Variants in AGBL1 observed in about 807,000 individuals in gnomAD.
The protein encoded by AGBL1 is cytosolic carboxypeptidase 4.
Under a neutral mutation model 118.9 loss-of-function variants are expected in AGBL1, and 130 were observed. That is an observed-to-expected ratio of 1.09 (90% CI 0.95 to 1.26). The LOEUF (loss-of-function observed/expected upper bound fraction) is 1.26. Among genes scored for constraint, AGBL1 ranks in the 50% most tolerant of loss-of-function variants. The probability of loss-of-function intolerance (pLI) is 0.00; values close to 1 mark genes in which losing one functional copy is unlikely to be tolerated. For missense variants in AGBL1, 1,584 were observed against 1,298.1 expected (o/e 1.22, Z -3.38); for synonymous variants, 555 against 478.9 (o/e 1.16, Z -2.08).
chr15:87,006,894 A>G (rs558111387), intron 24 of AGBL1, among the ~76,000 whole-genome samples: 3 of 152,160 alleles, frequency 2.0e-5, no homozygotes, highest in African/African-American at 7.2e-5. Flanking sequence ...AGGATCTGAC[A>G]TGGGTCCTGT....
rs555253919 is a variant in AGBL1 at position 86,734,419 on chromosome 15, TG to T, written c.3158+59985del. On this transcript the variant is annotated intron_variant, in intron 22 of 22. Coordinates refer to ENST00000614907, the MANE Select transcript of AGBL1 (RefSeq NM_001386094.1). ...AGGGAGTGACAAGGAGATCTTCACT[TG>T]GAAAAGATGTAGAGACTAAGAACTG... 2.2e-3 allele frequency among the ~76,000 whole-genome samples: 341 copies of T among 152,226 alleles called. 1 individual carries two copies. Among genetic ancestry groups the T allele is most frequent in the Non-Finnish European group, 3.5e-3 (237 of 68,004 alleles).
At chr15:86,276,403 A>G (rs1454762163) in intron 15 of AGBL1, among the ~76,000 whole-genome samples, 1 of 152,206 alleles carries the variant, frequency 6.6e-6, no homozygotes, top group Non-Finnish European at 1.5e-5. Flanking sequence ...GTGAGCCTTA[A>G]TTCCCATGTG....
At chr15:86,771,950 A>T (rs80136061) in intron 22 of AGBL1, among the ~76,000 whole-genome samples, 1 of 151,978 alleles carries the variant, frequency 6.6e-6, no homozygotes, top group South Asian at 2.1e-4. Flanking sequence ...GAGATACGGA[A>T]GTTCTTGTGT....
At chr15:86,968,185 G>T (rs538714093) in intron 23 of AGBL1, among the ~76,000 whole-genome samples, 1 of 151,860 alleles carries the variant, frequency 6.6e-6, no homozygotes, top group Non-Finnish European at 1.5e-5. Context: ...TAGTGACAAT[G>T]ACATTGGATT....
At chr15:86,675,940 T>A (rs2085838493) in intron 22 of AGBL1, among the ~76,000 whole-genome samples, 1 of 152,218 alleles carries the variant, frequency 6.6e-6, no homozygotes, top group Non-Finnish European at 1.5e-5. Context: ...AAGAAATGCC[T>A]TTTCTAATTC....
chr15:86,392,615 C>A (rs2081304943), intron 17 of AGBL1, among the ~76,000 whole-genome samples: 1 of 152,154 alleles, frequency 6.6e-6, no homozygotes, highest in Non-Finnish European at 1.5e-5. Context: ...GTTGGGTACA[C>A]ATGTTTATCA....
intron 17 of AGBL1, among the ~76,000 whole-genome samples, chr15:86,355,623 C>G (rs1387597568): frequency 6.6e-6 from 1 of 152,114 alleles, no homozygotes; most frequent in Non-Finnish European, 1.5e-5. Flanking sequence ...TTATGTGTCT[C>G]TAGTATATAT....
chr15:86,362,080 T>C (rs1371667131), intron 17 of AGBL1, among the ~76,000 whole-genome samples: 1 of 152,174 alleles, frequency 6.6e-6, no homozygotes, highest in Non-Finnish European at 1.5e-5. Context: ...AGTCCTTTCT[T>C]TTTCTCTTTT....
intron 22 of AGBL1, among the ~76,000 whole-genome samples, chr15:86,900,603 A>G (rs2141579597): frequency 6.6e-6 from 1 of 152,032 alleles, no homozygotes; most frequent in Admixed American, 6.5e-5. Context: ...ATTTTTTGAG[A>G]GTTCAGAAAA....
intron 17 of AGBL1, among the ~76,000 whole-genome samples, chr15:86,367,210 G>C (rs982681372): frequency 6.6e-6 from 1 of 152,084 alleles, no homozygotes; most frequent in African/African-American, 2.4e-5. Context: ...CTTTAAGCAT[G>C]GTTTTATCCA....
At chr15:86,336,773 T>G (rs574463932) in intron 17 of AGBL1, among the ~76,000 whole-genome samples, 17 of 152,330 alleles carry the variant, frequency 1.1e-4, no homozygotes, top group Middle Eastern at 3.4e-3. Flanking sequence ...TAATGGGGGC[T>G]TTTCATAGCT....
At chr15:86,705,969 GAA>G (rs5814259) in intron 22 of AGBL1, among the ~76,000 whole-genome samples, 1 of 149,630 alleles carries the variant, frequency 6.7e-6, no homozygotes, top group African/African-American at 2.4e-5. Flanking sequence ...TCATCTTTTG[GAA>G]AAAAAAAACT....
At chr15:87,026,255 T>A (rs2081725577) in intron 24 of AGBL1, among the ~76,000 whole-genome samples, 1 of 151,780 alleles carries the variant, frequency 6.6e-6, no homozygotes, top group South Asian at 2.1e-4. Flanking sequence ...AATCTATACA[T>A]CTAACAAAGG....
chr15:87,003,048 C>G (rs970250711), intron 24 of AGBL1, among the ~76,000 whole-genome samples: 9 of 152,160 alleles, frequency 5.9e-5, no homozygotes, highest in African/African-American at 2.2e-4. Flanking sequence ...GCATCCCTGT[C>G]TTGTGCCAGT....
At position 86,674,421 on chromosome 15, in the gene AGBL1, A is replaced by G; in HGVS notation, c.3143A>G (p.Asp1048Gly). 1 of 1,607,376 alleles carries G rather than the reference A, an allele frequency of 6.2e-7. No individual in the cohort carries two copies. The highest frequency in any genetic ancestry group is 8.5e-7 in the Non-Finnish European group (1 of 1,174,922). The change falls in exon 22 of 23, where the codon GAC becomes GGC. Residue 1048 changes from aspartate to glycine, a missense_variant. By Grantham distance (94) the Asp-to-Gly change is moderately conservative. Transcript: ENST00000614907. ...CTGAGTGCTGAGGAGGACGCTCTGG[A>G]CCAGCACCTCCAACGGTAAGATGCT... ...TLLSAEEDAL[D>G]QHLQRCSSSS...
intron 18 of AGBL1, among the ~76,000 whole-genome samples, chr15:86,398,883 A>AAAAAT (rs1450961711): frequency 6.6e-6 from 1 of 152,198 alleles, no homozygotes; most frequent in South Asian, 2.1e-4. Flanking sequence ...TACAGACCAT[A>AAAAAT]AAAATAAAAT....
At chr15:86,682,908 T>A (rs17685163) in intron 22 of AGBL1, among the ~76,000 whole-genome samples, 2 of 151,948 alleles carry the variant, frequency 1.3e-5, no homozygotes, top group Non-Finnish European at 1.5e-5. Flanking sequence ...TAACATTCCC[T>A]TTTTACCAAC....
At position 86,970,504 on chromosome 15, in the gene AGBL1, C is replaced by T. The variant is rs148710913; in HGVS notation, c.3222-17483C>T. Among the ~76,000 whole-genome samples, 7 of 152,036 alleles carry T rather than the reference C, an allele frequency of 4.6e-5. No homozygotes were observed. In the East Asian group the frequency reaches 1.2e-3, roughly 25 times the overall value. ...TAAGGCAGAAACTCAGGCTCAACGA[C>T]GTTGAGCTATGTGCTCAAAGTCATA... On this transcript the variant is annotated intron_variant, in intron 23 of 24. Coordinates refer to the AGBL1 transcript ENST00000441037.
intron 18 of AGBL1, among the ~76,000 whole-genome samples, chr15:86,473,071 A>G (rs980860375): frequency 6.6e-6 from 1 of 152,234 alleles, no homozygotes; most frequent in Non-Finnish European, 1.5e-5. Context: ...ATTAAATGAA[A>G]TGTTACTTTA....
Sources: allele counts gnomAD v4.1 joint callset (sites outside exome capture counted in the v4.1 genomes callset), GRCh38; gene constraint gnomAD v4.1.1; transcripts MANE v1.5; gene names NCBI Gene and HGNC (gene_info 2026-07-23, HGNC 2026-07-21).